Variants in APBA2 observed in about 807,000 individuals in gnomAD.
APBA2 encodes the protein amyloid-beta A4 precursor protein-binding family A member 2.
Under a neutral mutation model 75.0 loss-of-function variants are expected in APBA2, and 30 were observed. The observed-to-expected ratio is 0.40, with a 90% CI of 0.30 to 0.54. The LOEUF (loss-of-function observed/expected upper bound fraction) is 0.54, where lower values mean the gene tolerates loss of function less well. Ranked by LOEUF, APBA2 falls within the 20% of genes least tolerant of loss-of-function variation. The probability of loss-of-function intolerance (pLI) is 0.49; values close to 1 mark genes in which losing one functional copy is unlikely to be tolerated. For synonymous variants in APBA2, 444 were observed against 409.6 expected, an observed-to-expected ratio of 1.08 and a Z score of -1.01; for missense variants, 801 against 1,016.1, an observed-to-expected ratio of 0.79 and a Z score of 2.88.
At chr15:28,974,679 A>G (rs2037241551) in intron 2 of APBA2, among the ~76,000 whole-genome samples, 1 of 152,234 alleles carries the variant, frequency 6.6e-6, no homozygotes, top group South Asian at 2.1e-4. Flanking sequence ...ATTAAACTCT[A>G]TTAAATAAGT....
intron 2 of APBA2, among the ~76,000 whole-genome samples, chr15:28,958,186 C>G (rs1387898438): frequency 2.0e-5 from 3 of 152,240 alleles, no homozygotes; most frequent in Admixed American, 1.3e-4. Flanking sequence ...TGGGTAGAAG[C>G]TGGAAGGGAC....
chr15:28,908,278 C>A (rs2033237208), intron 1 of APBA2, among the ~76,000 whole-genome samples: 1 of 151,698 alleles, frequency 6.6e-6, no homozygotes, highest in African/African-American at 2.4e-5. Context: ...AGCCACTCCA[C>A]TGAGGTTATT....
intron 3 of APBA2, among the ~76,000 whole-genome samples, chr15:29,035,311 C>T (rs1005965099): frequency 6.6e-6 from 1 of 152,130 alleles, no homozygotes; most frequent in African/African-American, 2.4e-5. Flanking sequence ...TAGTAAATAG[C>T]CATCAGATCT....
intron 3 of APBA2, among the ~76,000 whole-genome samples, chr15:29,027,843 C>T (rs1466478492): frequency 3.3e-5 from 5 of 152,056 alleles, no homozygotes; most frequent in East Asian, 3.9e-4. Context: ...CCTCATGATC[C>T]GCCCACCTTG....
chr15:29,075,233 T>G (rs1279049739), intron 5 of APBA2, among the ~76,000 whole-genome samples: 1 of 152,124 alleles, frequency 6.6e-6, no homozygotes, highest in Non-Finnish European at 1.5e-5. Context: ...GACCATGCCA[T>G]GGAGTGCTCT....
chr15:28,919,050 C>T (rs1378341470), intron 1 of APBA2, among the ~76,000 whole-genome samples: 1 of 152,020 alleles, frequency 6.6e-6, no homozygotes, highest in Non-Finnish European at 1.5e-5. Flanking sequence ...TTAGTAGAAA[C>T]GAGGTTTCAC....
intron 2 of APBA2, among the ~76,000 whole-genome samples, chr15:28,960,967 C>T (rs1343976154): frequency 6.6e-6 from 1 of 152,018 alleles, no homozygotes; most frequent in Non-Finnish European, 1.5e-5. Context: ...CCATGTTGGT[C>T]AGGCTGGTCT....
At chr15:28,966,283 AG>A in intron 2 of APBA2, among the ~76,000 whole-genome samples, 1 of 152,252 alleles carries the variant, frequency 6.6e-6, no homozygotes, top group Middle Eastern at 3.4e-3. Context: ...TCAGTTGCTC[AG>A]AGTGGGTACT....
intron 10 of APBA2, chr15:29,102,869 T>C (rs1413171846): frequency 6.6e-6 from 1 of 152,210 alleles, no homozygotes; most frequent in Non-Finnish European, 1.5e-5. Context: ...GGTCCCCATA[T>C]TGTCATGATC....
intron 6 of APBA2, among the ~76,000 whole-genome samples, chr15:29,085,279 A>T (rs142269138): frequency 0.026 from 3,976 of 152,228 alleles, 186 homozygotes; most frequent in African/African-American, 0.091. Context: ...TAATCCCAGC[A>T]CTTTGGGAGG....
chr15:28,908,572 G>T (rs2033262704), intron 1 of APBA2, among the ~76,000 whole-genome samples: 2 of 152,054 alleles, frequency 1.3e-5, no homozygotes, highest in African/African-American at 4.8e-5. Context: ...GCCTGTCAAA[G>T]TGCTGGGATT....
chr15:28,992,677 G>C (rs2038298504), intron 2 of APBA2, among the ~76,000 whole-genome samples: 1 of 152,122 alleles, frequency 6.6e-6, no homozygotes, highest in African/African-American at 2.4e-5. Flanking sequence ...TCTCCTTCTG[G>C]ACTGGCTCCC....
chr15:29,023,805 AAG>A (rs1051970295), intron 3 of APBA2, among the ~76,000 whole-genome samples: 4 of 152,206 alleles, frequency 2.6e-5, no homozygotes, highest in African/African-American at 9.6e-5. Flanking sequence ...TTCACAATAA[AAG>A]AGAAAAAAGT....
rs1263253914 is a variant in APBA2, at chr15:29,027,253, C to T, written c.-40-26592C>T. On this transcript the variant is annotated intron_variant, in intron 3 of 14. Coordinates refer to ENST00000683413, the MANE Select transcript of APBA2 (RefSeq NM_001353788.2). ...TCTATTCCTTGAAAATGTAATAAAA[C>T]GTGTTTGTCAATTCATCTCGGTCTG... Among the ~76,000 whole-genome samples, 7 of 152,128 alleles carry T rather than the reference C, an allele frequency of 4.6e-5. No individual in the cohort carries two copies. The East Asian group carries it at 1.4e-3, about 29-fold the overall frequency.
chr15:28,886,590 G>C (rs566687573), intron 1 of APBA2, among the ~76,000 whole-genome samples: 1 of 152,042 alleles, frequency 6.6e-6, no homozygotes, highest in African/African-American at 2.4e-5. Flanking sequence ...CACCCGGCGC[G>C]GACAAGAGGC....
chr15:29,073,476 G>T (rs151249443), intron 4 of APBA2, among the ~76,000 whole-genome samples: 1 of 152,068 alleles, frequency 6.6e-6, no homozygotes, highest in African/African-American at 2.4e-5. Context: ...TCAGCCTCCC[G>T]TGTAGCTGGG....
intron 8 of APBA2, 137 bp downstream of exon 8, chr15:29,094,450 G>C (rs1002526950): frequency 2.2e-5 from 18 of 817,606 alleles, no homozygotes; most frequent in Non-Finnish European, 3.8e-5. Context: ...CCCTTGGTAG[G>C]TGAATCTTAG....
At chr15:28,948,088 A>T (rs1200195956) in intron 2 of APBA2, among the ~76,000 whole-genome samples, 6 of 152,154 alleles carry the variant, frequency 3.9e-5, no homozygotes, top group Non-Finnish European at 8.8e-5. Context: ...TGATGTGGTT[A>T]TTCCCATGTA....
intron 3 of APBA2, among the ~76,000 whole-genome samples, chr15:29,006,953 A>G (rs955975865): frequency 6.6e-6 from 1 of 152,220 alleles, no homozygotes; most frequent in Non-Finnish European, 1.5e-5. Flanking sequence ...GAATAGTAAT[A>G]GCAATCTTAA....
Sources: allele counts gnomAD v4.1 joint callset (sites outside exome capture counted in the v4.1 genomes callset), GRCh38; gene constraint gnomAD v4.1.1; transcripts MANE v1.5; gene names NCBI Gene and HGNC (gene_info 2026-07-23, HGNC 2026-07-21).